ERO1A: variants seen among roughly 807,000 people sequenced by gnomAD.
The protein encoded by ERO1A is ERO1-like protein alpha.
A neutral mutation model predicts 76.9 loss-of-function variants in ERO1A; 49 were observed. The observed-to-expected ratio is 0.64, with a 90% confidence interval of 0.51 to 0.81. The LOEUF is 0.81. Among genes scored for constraint, ERO1A ranks in the 30% least tolerant of loss-of-function variants. The pLI is 0.00. For missense variants in ERO1A, 448 were observed against 542.1 expected, an observed-to-expected ratio of 0.83 and a Z score of 1.72; for synonymous variants, 174 against 181.2, an observed-to-expected ratio of 0.96 and a Z score of 0.32.
intron 1 of ERO1A, 147 bp downstream of exon 1, chr14:52,695,221 G>C (rs779204975): frequency 1.9e-6 from 1 of 534,880 alleles, no homozygotes; most frequent in Non-Finnish European, 2.9e-6. Flanking sequence ...ACTCAGTCCC[G>C]GCCACCGGGC....
chr14:52,644,859 C>T (rs998647509), intron 15 of ERO1A, among the ~76,000 whole-genome samples: 1 of 152,074 alleles, frequency 6.6e-6, no homozygotes, highest in African/African-American at 2.4e-5. Flanking sequence ...TATTAACTAT[C>T]TAGCCCTTGG....
intron 6 of ERO1A, among the ~76,000 whole-genome samples, chr14:52,667,520 A>G (rs549529293): frequency 4.6e-5 from 7 of 152,266 alleles, no homozygotes; most frequent in South Asian, 2.1e-4. Context: ...GAGTGATTCT[A>G]AAATTCACAG....
intron 1 of ERO1A, among the ~76,000 whole-genome samples, chr14:52,687,824 C>A (rs111705167): frequency 4.6e-5 from 7 of 152,202 alleles, no homozygotes; most frequent in African/African-American, 1.7e-4. Context: ...GATAAGAAGG[C>A]CCCAGTTGAG....
At chr14:52,677,891 T>G (rs922994959) in intron 4 of ERO1A, among the ~76,000 whole-genome samples, 3 of 108,636 alleles carry the variant, frequency 2.8e-5, no homozygotes, top group African/African-American at 1.1e-4. Flanking sequence ...AAAAAAAAAA[T>G]TAAAGAACTC....
At chr14:52,681,951 T>C (rs1447700409) in intron 3 of ERO1A, among the ~76,000 whole-genome samples, 1 of 152,256 alleles carries the variant, frequency 6.6e-6, no homozygotes, top group Admixed American at 6.5e-5. Context: ...CAAAGGATTA[T>C]ATTAACCACA....
intron 15 of ERO1A, among the ~76,000 whole-genome samples, chr14:52,644,279 C>T (rs578026312): frequency 1.3e-5 from 2 of 152,254 alleles, no homozygotes; most frequent in East Asian, 3.9e-4. Flanking sequence ...TGTGGCAAAA[C>T]CTTCTCTCTA....
intron 3 of ERO1A, among the ~76,000 whole-genome samples, chr14:52,680,214 C>G (rs1446059017): frequency 6.6e-6 from 1 of 151,900 alleles, no homozygotes. Context: ...TAACTTCCAC[C>G]TGATTCTTTT....
chr14:52,661,375 A>C, intron 8 of ERO1A, 71 bp from the exon 9 acceptor site: 1 of 1,270,706 alleles, frequency 7.9e-7, no homozygotes, highest in Non-Finnish European at 1.1e-6. Flanking sequence ...CTACACTTTC[A>C]TAAAAATAAG....
Position 52,658,157 on chromosome 14 carries a change from T to A in ERO1A, c.689-7A>T. On this transcript the variant is annotated splice_polypyrimidine_tract_variant and splice_region_variant and intron_variant, in intron 9 of 15. Transcript: ENST00000395686. ...CAACTGTAAAAAGTGTTCTCTGAAA[T>A]CAAAAGAAAAATAAGTCATAAGAAT... The A allele has an allele frequency of 6.7e-7, 1 of 1,492,780 alleles. No individual in the cohort carries two copies. The highest frequency in any genetic ancestry group is 2.0e-5 in the Admixed American group (1 of 49,984). The allele number at this position is 1,492,780 out of a possible 1,614,324, so 92.5% of individuals were successfully genotyped here. A position where few individuals can be genotyped will look rare whatever the true frequency, so the allele number is the denominator to read the frequency against.
chr14:52,659,811 G>C (rs2040171353), intron 9 of ERO1A, among the ~76,000 whole-genome samples: 1 of 149,582 alleles, frequency 6.7e-6, no homozygotes, highest in Admixed American at 6.7e-5. Context: ...GTGTGTGTGT[G>C]TGTGTGTCTG....
At chr14:52,678,879 G>C (rs969094888) in intron 3 of ERO1A, among the ~76,000 whole-genome samples, 1 of 152,138 alleles carries the variant, frequency 6.6e-6, no homozygotes, top group African/African-American at 2.4e-5. Flanking sequence ...TAGATTCTTG[G>C]AACCTAGGGG....
rs114132034 is a variant in ERO1A, at chr14:52,671,149, C to T, written c.508+481G>A. ...ACTTAGCATGTTGTCAAGATCCATC[C>T]GTGTTGTAGTATGTACCAGAACTTC... is the stretch of plus-strand genomic sequence containing the variant. On this transcript the variant is annotated intron_variant, in intron 6 of 15. Coordinates refer to ENST00000395686, the MANE Select transcript of ERO1A (RefSeq NM_014584.3). Among the ~76,000 whole-genome samples, 403 of 152,276 alleles carry T rather than the reference C, an allele frequency of 2.6e-3. 2 individuals carry two copies. The highest frequency in any genetic ancestry group is 9.3e-3 in the African/African-American group (386 of 41,558).
chr14:52,674,853 T>G (rs138672991), intron 4 of ERO1A, among the ~76,000 whole-genome samples: 5 of 152,208 alleles, frequency 3.3e-5, no homozygotes, highest in African/African-American at 9.6e-5. Context: ...CACTTAAGAT[T>G]TGCACATTTC....
intron 7 of ERO1A, among the ~76,000 whole-genome samples, chr14:52,665,517 T>C (rs1359949725): frequency 6.6e-6 from 1 of 152,016 alleles, no homozygotes; most frequent in African/African-American, 2.4e-5. Context: ...ATACTTATAT[T>C]TGACTTATAA....
intron 15 of ERO1A, among the ~76,000 whole-genome samples, chr14:52,644,466 T>G (rs918489027): frequency 6.6e-6 from 1 of 152,188 alleles, no homozygotes; most frequent in Non-Finnish European, 1.5e-5. Context: ...ATTAAAATAC[T>G]TCTATATTTT....
chr14:52,663,733 C>T, intron 8 of ERO1A, 68 bp downstream of exon 8: 1 of 927,438 alleles, frequency 1.1e-6, no homozygotes, highest in Non-Finnish European at 1.8e-6. Flanking sequence ...TTTATCTTGC[C>T]TTCCCCTTCC....
chr14:52,647,911 C>T (rs1198429595), intron 13 of ERO1A, among the ~76,000 whole-genome samples: 1 of 152,112 alleles, frequency 6.6e-6, no homozygotes, highest in Admixed American at 6.5e-5. Flanking sequence ...TAGGCTCAAC[C>T]AGATGAAGGC....
In ERO1A at chr14:52,695,471, C is replaced by A. The variant is rs1246279319; in HGVS notation, c.11G>T (p.Gly4Val). Residue 4 changes from glycine to valine, a missense_variant, in exon 1 of 16, where the codon GGC becomes GTC. By Grantham distance (109) the Gly-to-Val change is moderately radical. Transcript: ENST00000395686. Reference protein sequence around the residue: MGRGWGFLFGLLGA... With the variant: MGRVWGFLFGLLGA... Reference sequence around the variant, plus strand: ...CAGGAGGCCAAACAAGAATCCCCAGCCGCGGCCCATTGCAGCTCCGGCAGC... The same window carrying A: ...CAGGAGGCCAAACAAGAATCCCCAGACGCGGCCCATTGCAGCTCCGGCAGC... The A allele has an allele frequency of 3.3e-6, 5 of 1,526,884 alleles. No individual in the cohort carries two copies. The highest frequency in any genetic ancestry group is 3.5e-6 in the Non-Finnish European group (4 of 1,135,348). 94.6% of individuals were successfully genotyped at this position (1,526,884 alleles called of 1,614,324 possible).
intron 4 of ERO1A, among the ~76,000 whole-genome samples, chr14:52,674,621 T>C (rs185992672): frequency 6.6e-6 from 1 of 152,366 alleles, no homozygotes; most frequent in Admixed American, 6.5e-5. Context: ...AATTCATTCT[T>C]TGACTCTGTG....
Sources: gnomAD v4.1 joint callset for allele counts (sites outside exome capture counted in the v4.1 genomes callset) on GRCh38, gnomAD v4.1.1 for gene constraint, MANE v1.5 for transcripts, NCBI Gene and HGNC (gene_info 2026-07-23, HGNC 2026-07-21) for gene names.